Variants in TBC1D19 observed in about 807,000 individuals in gnomAD.
TBC1D19 encodes TBC1 domain family, member 19.
In TBC1D19, 60 loss-of-function variants were observed where a neutral mutation model predicts 89.0. The observed-to-expected ratio is 0.67, with a 90% CI of 0.55 to 0.84. TBC1D19 has a LOEUF of 0.84. Among genes scored for constraint, TBC1D19 ranks in the 40% least tolerant of loss-of-function variants. The pLI, the probability that TBC1D19 is intolerant of heterozygous loss-of-function variation, is 0.00. For synonymous variants in TBC1D19, 189 were observed against 199.7 expected (o/e 0.95, Z 0.45); for missense variants, 500 against 610.8 (o/e 0.82, Z 1.91).
At chr4:26,801,385 G>A in the TBC1D19 span, among the ~76,000 whole-genome samples, 6 of 152,186 alleles carry the variant, frequency 3.9e-5, no homozygotes, top group Admixed American at 3.9e-4. Flanking sequence ...TTTGGTACCA[G>A]TACCATGCTG....
the TBC1D19 span, among the ~76,000 whole-genome samples, chr4:26,816,911 T>A: frequency 9.9e-5 from 15 of 152,142 alleles, no homozygotes; most frequent in African/African-American, 2.4e-5. Context: ...TCATATGAAA[T>A]TTTTTTAAAG....
intron 7 of TBC1D19, among the ~76,000 whole-genome samples, chr4:26,646,526 G>A (rs913899961): frequency 2.0e-5 from 3 of 152,096 alleles, no homozygotes; most frequent in East Asian, 1.9e-4. Context: ...TGTTTATTGC[G>A]GTACTATTCA....
intron 8 of TBC1D19, 73 bp downstream of exon 8, chr4:26,659,780 A>G (rs1745106381): frequency 5.7e-6 from 5 of 877,338 alleles, no homozygotes; most frequent in Admixed American, 2.4e-5. Flanking sequence ...TACAGCATGT[A>G]TGTAAAGCAA....
At chr4:26,617,114 G>A (rs769052095) in intron 3 of TBC1D19, among the ~76,000 whole-genome samples, 1 of 152,160 alleles carries the variant, frequency 6.6e-6, no homozygotes, top group African/African-American at 2.4e-5. Flanking sequence ...TCACAGTTCT[G>A]GAGGCTGGGA....
Position 26,654,181 on chromosome 4 carries a change from T to A in TBC1D19, c.481-5416T>A, listed in dbSNP as rs1400428038. ...ATTCTGGGTTGAAAATTCTTTTCTT[T>A]AAGAATGTTGAATATTGGCCCCCAC... On this transcript the variant is annotated intron_variant, in intron 7 of 20. Coordinates refer to ENST00000264866, the MANE Select transcript of TBC1D19 (RefSeq NM_018317.4). Among the ~76,000 whole-genome samples the A allele has an allele frequency of 3.3e-5, 5 of 152,334 alleles. No individual in the cohort carries two copies. The East Asian group carries it at 9.6e-4, about 29-fold the overall frequency.
At chr4:26,805,422 C>A in the TBC1D19 span, among the ~76,000 whole-genome samples, 1 of 152,194 alleles carries the variant, frequency 6.6e-6, no homozygotes, top group Admixed American at 6.5e-5. Flanking sequence ...CGGATTCAGT[C>A]CCGCAGCTTC....
the TBC1D19 span, among the ~76,000 whole-genome samples, chr4:26,847,237 A>G: frequency 6.6e-5 from 10 of 152,238 alleles, no homozygotes; most frequent in African/African-American, 2.2e-4. Flanking sequence ...GGACAATATT[A>G]TAAGCTCAAG....
intron 9 of TBC1D19, among the ~76,000 whole-genome samples, chr4:26,667,701 A>G (rs1467922249): frequency 1.3e-5 from 2 of 151,944 alleles, no homozygotes; most frequent in Non-Finnish European, 2.9e-5. Context: ...TCTGCTGTGG[A>G]GTATATACCT....
intron 13 of TBC1D19, among the ~76,000 whole-genome samples, chr4:26,710,885 T>G (rs1021273664): frequency 6.6e-6 from 1 of 152,220 alleles, no homozygotes. Flanking sequence ...TGTTTGTTTT[T>G]TCTTGTAAGT....
At chr4:26,579,947 G>T (rs75651280), upstream of TBC1D19, among the ~76,000 whole-genome samples, 1,474 of 152,322 alleles carry the variant, frequency 9.7e-3, 22 homozygotes, top group African/African-American at 0.033. Flanking sequence ...GATGGAAAGA[G>T]CTTAGAAACT....
chr4:26,629,668 T>G (rs1742672461), intron 4 of TBC1D19, among the ~76,000 whole-genome samples: 1 of 151,948 alleles, frequency 6.6e-6, no homozygotes. Context: ...AGAATCTAAA[T>G]GAATAACAGT....
chr4:26,734,933 T>A (rs1450130237), intron 15 of TBC1D19, among the ~76,000 whole-genome samples: 1 of 147,042 alleles, frequency 6.8e-6, no homozygotes, highest in Non-Finnish European at 1.5e-5. Context: ...CACATATATG[T>A]GTGTATATAT....
chr4:26,595,304 A>G (rs1258182049), intron 1 of TBC1D19, among the ~76,000 whole-genome samples: 1 of 152,090 alleles, frequency 6.6e-6, no homozygotes, highest in Non-Finnish European at 1.5e-5. Context: ...TTGAGTTTTA[A>G]GAATTTTTTG....
chr4:26,842,641 T>C, the TBC1D19 span, among the ~76,000 whole-genome samples: 1 of 147,148 alleles, frequency 6.8e-6, no homozygotes, highest in Admixed American at 6.9e-5. Flanking sequence ...TCTTTCTTTC[T>C]TTCTTTTTCT....
At chr4:26,585,654 G>A (rs1233992827) in intron 1 of TBC1D19, among the ~76,000 whole-genome samples, 2 of 151,512 alleles carry the variant, frequency 1.3e-5, no homozygotes, top group African/African-American at 4.9e-5. Context: ...TGTGATCTCG[G>A]CTCACTACAA....
At chr4:26,631,394 G>A (rs115864459) in intron 4 of TBC1D19, among the ~76,000 whole-genome samples, 58 of 152,188 alleles carry the variant, frequency 3.8e-4, no homozygotes, top group Non-Finnish European at 6.6e-4. Context: ...AAAAAGTGAT[G>A]TGTTGCTTAG....
At chr4:26,838,505 C>G in the TBC1D19 span, among the ~76,000 whole-genome samples, 2 of 152,168 alleles carry the variant, frequency 1.3e-5, no homozygotes, top group African/African-American at 4.8e-5. Context: ...AAAAGCATCG[C>G]TTGTGTTCTT....
the TBC1D19 span, among the ~76,000 whole-genome samples, chr4:26,802,630 C>T: frequency 6.6e-6 from 1 of 151,922 alleles, no homozygotes; most frequent in Non-Finnish European, 1.5e-5. Flanking sequence ...ACAAAAGTGG[C>T]TCCATTAGGT....
chr4:26,627,464 C>T (rs1238274070), intron 4 of TBC1D19, among the ~76,000 whole-genome samples: 1 of 152,124 alleles, frequency 6.6e-6, no homozygotes, highest in Admixed American at 6.5e-5. Context: ...GGAATCGCCA[C>T]ACTGACTTCC....
Sources: allele counts gnomAD v4.1 joint callset (sites outside exome capture counted in the v4.1 genomes callset), GRCh38; gene constraint gnomAD v4.1.1; transcripts MANE v1.5; gene names NCBI Gene and HGNC (gene_info 2026-07-23, HGNC 2026-07-21).